NAA25: variants seen among roughly 807,000 people sequenced by gnomAD.
NAA25 encodes N-alpha-acetyltransferase 25, NatB auxiliary subunit, also known as N-terminal acetyltransferase B complex subunit NAA25.
A neutral mutation model predicts 132.5 loss-of-function variants in NAA25; 30 were observed. The observed-to-expected ratio is 0.23, with a 90% CI of 0.17 to 0.31. The LOEUF (loss-of-function observed/expected upper bound fraction) is 0.31. Among genes scored for constraint, NAA25 ranks in the 10% least tolerant of loss-of-function variants. The pLI, the probability that NAA25 is intolerant of heterozygous loss-of-function variation, is 1.00. For missense variants in NAA25, 771 were observed against 1,150.4 expected, an observed-to-expected ratio of 0.67 and a Z score of 4.77; for synonymous variants, 359 against 401.9, an observed-to-expected ratio of 0.89 and a Z score of 1.28.
intron 1 of NAA25, among the ~76,000 whole-genome samples, chr12:112,096,845 G>A (rs2079218991): frequency 6.6e-6 from 1 of 152,146 alleles, no homozygotes; most frequent in Non-Finnish European, 1.5e-5. Flanking sequence ...AAGGTTCCAG[G>A]TTCATAGAAC....
chr12:112,028,108 C>T lies in NAA25; in HGVS notation c.*1423G>A, dbSNP rs1181642990. ...ATTACTTTGCGTACACAGATATTCC[C>T]AGCTCTCTTGGTTGCTTTTAAAAGA... On this transcript the variant is annotated 3_prime_UTR_variant, in exon 24 of 24. Coordinates refer to ENST00000261745, the MANE Select transcript of NAA25 (RefSeq NM_024953.4). The T allele has an allele frequency of 6.6e-6, 1 of 152,144 alleles. No homozygotes were observed. The highest frequency in any genetic ancestry group is 1.5e-5 in the Non-Finnish European group (1 of 68,016). The allele number at this position is 152,144 out of a possible 1,614,324, so 9.4% of individuals were successfully genotyped here.
intron 4 of NAA25, among the ~76,000 whole-genome samples, chr12:112,083,844 G>A (rs2079006824): frequency 6.6e-6 from 1 of 152,082 alleles, no homozygotes; most frequent in African/African-American, 2.4e-5. Context: ...AGACCAGCCT[G>A]GGAAACATAG....
At chr12:112,034,442 A>C (rs1486304605) in intron 22 of NAA25, 1 of 152,246 alleles carries the variant, frequency 6.6e-6, no homozygotes, top group Admixed American at 6.5e-5. Flanking sequence ...CCTGGCCAAC[A>C]TGGTGAAATC....
At chr12:112,033,645 C>T in intron 22 of NAA25, 2 of 232,070 alleles carry the variant, frequency 8.6e-6, no homozygotes, top group Non-Finnish European at 1.7e-5. Context: ...GTAACAACTT[C>T]TGCAATCATG....
At position 112,075,869 on chromosome 12, in the gene NAA25, G is replaced by A. The variant is rs184665725; in HGVS notation, c.665-80C>T. On this transcript the variant is annotated intron_variant, in intron 7 of 23. Transcript: ENST00000261745. ...CAGAATAGAGTCCAACCACAAGAAG[G>A]AAAATGTCACATTTTCTTTTCTTTT... 411 of 1,127,038 alleles carry A rather than the reference G, an allele frequency of 3.6e-4. 1 individual carries two copies. The African/African-American group carries it at 6.0e-3, about 16-fold the overall frequency. The allele number at this position is 1,127,038 out of a possible 1,614,324, so 69.8% of individuals were successfully genotyped here. A position where few individuals can be genotyped will look rare whatever the true frequency, so the allele number is the denominator to read the frequency against.
chr12:112,038,783 C>T (rs977722504), intron 22 of NAA25, among the ~76,000 whole-genome samples: 2 of 152,050 alleles, frequency 1.3e-5, no homozygotes, highest in Admixed American at 1.3e-4. Flanking sequence ...AGTTTGAGAC[C>T]AGCCTGGCCA....
At chr12:112,065,025 A>G (rs544735386) in intron 11 of NAA25, among the ~76,000 whole-genome samples, 4 of 151,586 alleles carry the variant, frequency 2.6e-5, no homozygotes, top group Non-Finnish European at 4.4e-5. Context: ...GAAGAGCGAA[A>G]CTTGTCTCAA....
At chr12:112,078,412 CT>C (rs764954611) in intron 6 of NAA25, 146 bp from the exon 7 acceptor site, 29 of 703,698 alleles carry the variant, frequency 4.1e-5, no homozygotes, top group Non-Finnish European at 6.5e-5. Flanking sequence ...ACAGGATCTT[CT>C]CCATCTATAT....
In NAA25 at chr12:112,060,291, T is replaced by C. The variant is rs1334060670; in HGVS notation, c.1426A>G (p.Ile476Val). 20 of 1,612,736 alleles carry C rather than the reference T, an allele frequency of 1.2e-5. No individual in the cohort carries two copies. The highest frequency in any genetic ancestry group is 1.6e-5 in the Non-Finnish European group (19 of 1,179,256). The change falls in exon 13 of 24, where the codon ATT (isoleucine) becomes GTT (valine). Residue 476 changes from isoleucine to valine, a missense_variant. Ile to Val is a conservative substitution (Grantham distance 29). Transcript: ENST00000261745. Reference protein sequence around the residue: ...YYCLLAVHALIDVWRETGDET... With the variant: ...YYCLLAVHALVDVWRETGDET... ...TTACCTGTTTCCCTCCATACATCAA[T>C]AAGCGCATGGACAGCAAGGAGACAG...
At chr12:112,105,057 C>T (rs2079342601) in intron 1 of NAA25, among the ~76,000 whole-genome samples, 1 of 151,960 alleles carries the variant, frequency 6.6e-6, no homozygotes, top group Non-Finnish European at 1.5e-5. Flanking sequence ...CAGTGGCTCA[C>T]GCCTGTAACC....
rs2078308195 is a variant in NAA25, at chr12:112,042,095, A to G, written c.2384T>C (p.Met795Thr). Residue 795 changes from methionine (M) to threonine (T), a missense_variant, in exon 20 of 24, where the codon ATG (methionine) becomes ACG (threonine). Physicochemically the swap from Met to Thr is moderately conservative, Grantham distance 81 (BLOSUM62 -1). Around this residue, in one of 3 missense-constraint regions of NAA25, gnomAD observed 324 missense variants for 400.0 expected, o/e 0.81. Transcript: ENST00000261745. ...ATTTTCTATTCGTTCCTGAATCTCCATTGTATCCTCTAAAATTGAAAAACA... is the reference window on the plus strand; with the variant it reads ...ATTTTCTATTCGTTCCTGAATCTCCGTTGTATCCTCTAAAATTGAAAAACA... ...ELDTSGLEDT[M>T]EIQERIENSF... 1.4e-6 allele frequency: 2 copies of G among 1,467,206 alleles called. No individual in the cohort carries two copies. Among genetic ancestry groups the G allele is most frequent in the East Asian group, 5.3e-5 (2 of 37,712 alleles). The allele number at this position is 1,467,206 out of a possible 1,614,324, so 90.9% of individuals were successfully genotyped here.
At chr12:112,082,142 T>C (rs957010379) in intron 4 of NAA25, among the ~76,000 whole-genome samples, 1 of 152,024 alleles carries the variant, frequency 6.6e-6, no homozygotes, top group Non-Finnish European at 1.5e-5. Context: ...TCCAAGCTAC[T>C]TGGGAGGCTA....
intron 4 of NAA25, among the ~76,000 whole-genome samples, chr12:112,086,073 T>TAA: frequency 1.9e-5 from 1 of 53,986 alleles, no homozygotes; most frequent in Non-Finnish European, 2.8e-5. Flanking sequence ...TATATATATA[T>TAA]ACACACACAC....
At chr12:112,057,756 C>T (rs527766036) in intron 13 of NAA25, among the ~76,000 whole-genome samples, 2 of 152,228 alleles carry the variant, frequency 1.3e-5, no homozygotes, top group East Asian at 3.9e-4. Context: ...TTTGGGAGGC[C>T]GAGGTGGGTG....
Position 112,045,366 on chromosome 12 carries a change from G to A in NAA25, c.2007-1498C>T, listed in dbSNP as rs367906970. Among the ~76,000 whole-genome samples the A allele has an allele frequency of 2.8e-4, 43 of 151,404 alleles. No homozygotes were observed. The East Asian group carries it at 4.7e-3, about 17-fold the overall frequency. ...AAATTAGCCGGCCGTGGTGGCACAC[G>A]CCTGTAGTCCCAGCTGAGGCTAAGG... On this transcript the variant is annotated intron_variant, in intron 17 of 23. Transcript: ENST00000261745.
intron 17 of NAA25, among the ~76,000 whole-genome samples, chr12:112,045,434 C>A (rs1166727311): frequency 6.6e-6 from 1 of 150,804 alleles, no homozygotes; most frequent in Non-Finnish European, 1.5e-5. Flanking sequence ...TTGCAGTGAG[C>A]CGAGATTGCG....
intron 7 of NAA25, among the ~76,000 whole-genome samples, chr12:112,077,510 G>A (rs770037438): frequency 6.6e-5 from 10 of 151,616 alleles, no homozygotes; most frequent in Non-Finnish European, 1.5e-4. Flanking sequence ...GGAGCCCAGT[G>A]TGGTGGTGTG....
rs2078270495 is a variant in NAA25 at position 112,039,330 on chromosome 12, C to G, written c.2548G>C (p.Val850Leu). 1 of 1,600,578 alleles carries G rather than the reference C, an allele frequency of 6.2e-7. No individual in the cohort carries two copies. The highest frequency in any genetic ancestry group is 8.5e-7 in the Non-Finnish European group (1 of 1,171,296). Residue 850 changes from valine to leucine, a missense_variant, in exon 22 of 24, where the codon GTT (valine) becomes CTT (leucine). By Grantham distance (32) the Val-to-Leu change is conservative. Coordinates refer to ENST00000261745, the MANE Select transcript of NAA25 (RefSeq NM_024953.4). ...CAGTAACTGGATACCCAAAGGATAA[C>G]AGAAATAGTCTGAAAGGAAAAATTG... ...NLVFFVETIS[V>L]ILWVSSYCES...
intron 9 of NAA25, among the ~76,000 whole-genome samples, chr12:112,074,341 CAAAAAAAAAAAAAA>C (rs34077129): frequency 2.9e-5 from 1 of 34,914 alleles, no homozygotes; most frequent in Non-Finnish European, 5.9e-5. Context: ...AACTCCATCT[CAAAAAAAAAAAAAA>C]AAAAAAAAAG....
Sources: allele counts gnomAD v4.1 joint callset (sites outside exome capture counted in the v4.1 genomes callset), GRCh38; gene constraint gnomAD v4.1.1; regional missense constraint gnomAD v4.1.1; transcripts MANE v1.5; gene names NCBI Gene and HGNC (gene_info 2026-07-23, HGNC 2026-07-21).